Variants in PDGFC observed in about 807,000 individuals in gnomAD.
PDGFC encodes the protein platelet-derived growth factor C.
PDGFC carries 12 observed loss-of-function variants against 35.5 expected under a neutral mutation model. That is an observed-to-expected ratio of 0.34 (90% CI 0.22 to 0.55). PDGFC has a LOEUF of 0.55. Among genes scored for constraint, PDGFC ranks in the 20% least tolerant of loss-of-function variants. The pLI, the probability that PDGFC is intolerant of heterozygous loss-of-function variation, is 0.91. For synonymous variants in PDGFC, 159 were observed against 148.8 expected, an observed-to-expected ratio of 1.07 and a Z score of -0.50; for missense variants, 322 against 412.4, an observed-to-expected ratio of 0.78 and a Z score of 1.90.
At chr4:156,810,230 A>G (rs866978868) in intron 3 of PDGFC, among the ~76,000 whole-genome samples, 78 of 151,930 alleles carry the variant, frequency 5.1e-4, no homozygotes, top group Non-Finnish European at 3.2e-4. Context: ...TATTATATTA[A>G]ACTTTAAAAA....
At chr4:156,825,374 C>T (rs2110995581) in intron 2 of PDGFC, among the ~76,000 whole-genome samples, 1 of 136,838 alleles carries the variant, frequency 7.3e-6, no homozygotes, top group Admixed American at 7.3e-5. Context: ...GATGGTGAAA[C>T]CCCGTTTCTA....
intron 3 of PDGFC, among the ~76,000 whole-genome samples, chr4:156,792,848 C>T (rs1056187424): frequency 6.6e-6 from 1 of 152,154 alleles, no homozygotes; most frequent in African/African-American, 2.4e-5. Context: ...TCTTTTGTTT[C>T]CCTGAAAACT....
At chr4:156,874,587 G>A (rs1730063949) in intron 1 of PDGFC, among the ~76,000 whole-genome samples, 1 of 152,124 alleles carries the variant, frequency 6.6e-6, no homozygotes, top group Non-Finnish European at 1.5e-5. Flanking sequence ...GCCTGCCTAT[G>A]ATTTAGCTCA....
intron 1 of PDGFC, among the ~76,000 whole-genome samples, chr4:156,854,442 G>A (rs1311969486): frequency 6.6e-6 from 1 of 151,946 alleles, no homozygotes; most frequent in Non-Finnish European, 1.5e-5. Flanking sequence ...TTTAAAGACT[G>A]AAAATCTGGG....
intron 1 of PDGFC, among the ~76,000 whole-genome samples, chr4:156,918,407 G>A (rs998097277): frequency 6.6e-6 from 1 of 152,180 alleles, no homozygotes; most frequent in Non-Finnish European, 1.5e-5. Flanking sequence ...AGGTGAAACG[G>A]GGAATTAGAA....
At chr4:156,960,485 ATG>A (rs771854682) in intron 1 of PDGFC, among the ~76,000 whole-genome samples, 3 of 150,896 alleles carry the variant, frequency 2.0e-5, no homozygotes, top group Non-Finnish European at 4.4e-5. Context: ...ATATCTATAT[ATG>A]TGTGTGTTCT....
intron 3 of PDGFC, among the ~76,000 whole-genome samples, chr4:156,790,835 C>G (rs200760484): frequency 3.9e-5 from 6 of 151,952 alleles, no homozygotes; most frequent in Non-Finnish European, 5.9e-5. Context: ...GAGAACGGGG[C>G]AAGCCAATAA....
intron 3 of PDGFC, chr4:156,779,284 G>T (rs1286470832): frequency 6.9e-6 from 3 of 433,262 alleles, no homozygotes; most frequent in African/African-American, 6.1e-5. Flanking sequence ...TTTTAAGCCG[G>T]CAATGAAAAG....
At chr4:156,899,422 A>C (rs1466341616) in intron 1 of PDGFC, among the ~76,000 whole-genome samples, 2 of 152,222 alleles carry the variant, frequency 1.3e-5, no homozygotes, top group East Asian at 3.9e-4. Context: ...TTCTTGTTTC[A>C]AGCTTCTTAA....
chr4:156,803,170 A>G (rs559863521), intron 3 of PDGFC, among the ~76,000 whole-genome samples: 42 of 152,272 alleles, frequency 2.8e-4, no homozygotes, highest in African/African-American at 9.9e-4. Context: ...AAGAAGATGA[A>G]ATTATTAGAA....
chr4:156,840,680 G>A (rs1035721290), intron 2 of PDGFC, among the ~76,000 whole-genome samples: 1 of 152,168 alleles, frequency 6.6e-6, no homozygotes, highest in Non-Finnish European at 1.5e-5. Context: ...AAAAGCCACA[G>A]AAACTCAATG....
At chr4:156,945,657 T>C (rs1198547580) in intron 1 of PDGFC, among the ~76,000 whole-genome samples, 7 of 151,768 alleles carry the variant, frequency 4.6e-5, no homozygotes, top group African/African-American at 1.2e-4. Context: ...ACAAATGAAA[T>C]TGCAGGAGCG....
intron 2 of PDGFC, among the ~76,000 whole-genome samples, chr4:156,822,154 T>A (rs1732280129): frequency 6.6e-6 from 1 of 151,754 alleles, no homozygotes; most frequent in African/African-American, 2.4e-5. Context: ...GTTCAGGAGA[T>A]CGAGACCATC....
chr4:156,829,574 C>A (rs761174741), intron 2 of PDGFC, among the ~76,000 whole-genome samples: 1 of 152,118 alleles, frequency 6.6e-6, no homozygotes, highest in African/African-American at 2.4e-5. Flanking sequence ...GTTAAAATTA[C>A]CCCTTCAAAG....
At chr4:156,928,291 A>G (rs1731465269) in intron 1 of PDGFC, among the ~76,000 whole-genome samples, 1 of 152,060 alleles carries the variant, frequency 6.6e-6, no homozygotes, top group South Asian at 2.1e-4. Flanking sequence ...GGGTCTTGCT[A>G]TGTTGCCCAG....
chr4:156,888,647 G>T (rs1401073274), intron 1 of PDGFC, among the ~76,000 whole-genome samples: 1 of 152,062 alleles, frequency 6.6e-6, no homozygotes, highest in Non-Finnish European at 1.5e-5. Flanking sequence ...ACTCAACCTT[G>T]CTTAATCTTT....
intron 1 of PDGFC, among the ~76,000 whole-genome samples, chr4:156,878,340 T>C (rs942311871): frequency 6.6e-6 from 1 of 152,144 alleles, no homozygotes; most frequent in Non-Finnish European, 1.5e-5. Flanking sequence ...AATAAGGAAA[T>C]GGTTTAGCAA....
chr4:156,848,586 AT>A (rs1335696932), intron 2 of PDGFC, among the ~76,000 whole-genome samples: 1 of 151,982 alleles, frequency 6.6e-6, no homozygotes, highest in Non-Finnish European at 1.5e-5. Context: ...TTAAAGCATA[AT>A]TTTTTTAGTT....
chr4:156,837,321 G>C (rs563910816), intron 2 of PDGFC, among the ~76,000 whole-genome samples: 1 of 152,206 alleles, frequency 6.6e-6, no homozygotes, highest in Non-Finnish European at 1.5e-5. Flanking sequence ...GGAGGCTGCA[G>C]TGAGCCGAGA....
Sources: gnomAD v4.1 joint callset for allele counts (sites outside exome capture counted in the v4.1 genomes callset) on GRCh38, gnomAD v4.1.1 for gene constraint, MANE v1.5 for transcripts, NCBI Gene and HGNC (gene_info 2026-07-23, HGNC 2026-07-21) for gene names.